Variants in NR2E3 observed in about 807,000 individuals in gnomAD.
NR2E3 encodes nuclear receptor subfamily 2 group E member 3, also known as photoreceptor-specific nuclear receptor.
Under a neutral mutation model 37.6 loss-of-function variants are expected in NR2E3, and 38 were observed. That is an observed-to-expected ratio of 1.01 (90% CI 0.78 to 1.33). NR2E3 has a LOEUF of 1.33. Among genes scored for constraint, NR2E3 ranks in the 40% most tolerant of loss-of-function variants. NR2E3 has a pLI of 0.00. For synonymous variants in NR2E3, 235 were observed against 225.1 expected (o/e 1.04, Z -0.39); for missense variants, 562 against 558.7 (o/e 1.01, Z -0.06).
intron 7 of NR2E3, among the ~76,000 whole-genome samples, chr15:71,815,529 T>C (rs892021083): frequency 7.9e-5 from 12 of 152,362 alleles, no homozygotes; most frequent in Admixed American, 3.3e-4. Context: ...CTCCCAGAGA[T>C]GTCCTGGCAT....
In NR2E3 at chr15:71,817,577, C is replaced by G; in HGVS notation, c.1126C>G (p.Pro376Ala). The change falls in exon 8 of 8, where the codon CCG becomes GCG. Residue 376 changes from proline to alanine, a missense_variant. Coordinates refer to ENST00000617575, the MANE Select transcript of NR2E3 (RefSeq NM_014249.4). ...GTTTGGGAAATTGCTCCTGCTCCTC[C>G]CGTCTTTGAGGTTTATCACTGCGGA... The part of the protein sequence containing the change: ...VRFGKLLLLL[P>A]SLRFITAERI... 6.3e-7 allele frequency: 1 copy of G among 1,599,716 alleles called. No homozygotes were observed. Among genetic ancestry groups the G allele is most frequent in the Non-Finnish European group, 8.6e-7 (1 of 1,168,364 alleles).
chr15:71,812,254 TCCTC>T, intron 4 of NR2E3, 78 bp downstream of exon 4: 1 of 1,609,306 alleles, frequency 6.2e-7, no homozygotes, highest in South Asian at 1.1e-5. Flanking sequence ...CTTGCCTTGA[TCCTC>T]CCTCCCCCGG....
rs750740765 is a variant in NR2E3 at position 71,812,485 on chromosome 15, TTC to T, written c.724_725del (p.Ser242GlnfsTer17). ...AVKWAKNLPV[F>X]SSLPFRDQVI... ...CAAGTGGGCCAAGAACCTGCCTGTG[TTC>T]TCCAGCCTGCCCTTCCGGGATCAGG... is the stretch of plus-strand genomic sequence containing the variant. On this transcript the variant is annotated frameshift_variant, in exon 5 of 8. Coordinates refer to ENST00000617575, the MANE Select transcript of NR2E3 (RefSeq NM_014249.4). LOFTEE classifies it high-confidence loss of function. 11 of 1,612,688 alleles carry T rather than the reference TTC, an allele frequency of 6.8e-6. No individual in the cohort carries two copies. The highest frequency in any genetic ancestry group is 8.5e-6 in the Non-Finnish European group (10 of 1,179,036).
rs2054207798 is a variant in NR2E3 at position 71,814,009 on chromosome 15, CAG to C, written c.996_997del. ...TAAGCTCACTGGTGCTGCTTCTCCC[CAG>C]AGACGCGGGGCCTGAAGGATCCTGA... is the stretch of plus-strand genomic sequence containing the variant. On this transcript the variant is annotated splice_acceptor_variant, in intron 6 of 7. Coordinates refer to ENST00000617575, the MANE Select transcript of NR2E3 (RefSeq NM_014249.4). LOFTEE classifies it high-confidence loss of function. 2.5e-6 allele frequency: 4 copies of C among 1,610,384 alleles called. No individual in the cohort carries two copies. Among genetic ancestry groups the C allele is most frequent in the Non-Finnish European group, 3.4e-6 (4 of 1,178,806 alleles).
At position 71,813,684 on chromosome 15, in the gene NR2E3, A is replaced by T; in HGVS notation, c.994+49A>T. The stretch of plus-strand genomic sequence containing the variant: ...TTGAGTGGGAATTCTGGTGACTTCC[A>T]TCTGCCTCTCACTCTCCCTCCACTA... On this transcript the variant is annotated intron_variant, in intron 6 of 7. Coordinates refer to ENST00000617575, the MANE Select transcript of NR2E3 (RefSeq NM_014249.4). The surrounding 1 kb of genome is among the most constrained non-coding windows in gnomAD (Gnocchi z 4.7). The T allele has an allele frequency of 6.2e-7, 1 of 1,607,962 alleles. No homozygotes were observed. The highest frequency in any genetic ancestry group is 8.5e-7 in the Non-Finnish European group (1 of 1,179,424).
At position 71,817,094 on chromosome 15, in the gene NR2E3, C is replaced by CTTTT. The variant is rs986159548; in HGVS notation, c.1101-455_1101-452dup. ...AACTCCTCTGGTTAATGCGGCTTTT[C>CTTTT]TTTTTTCTTTTTTTTTTTTTTTGAG... On this transcript the variant is annotated intron_variant, in intron 7 of 7. Coordinates refer to ENST00000617575, the MANE Select transcript of NR2E3 (RefSeq NM_014249.4). 5.8e-5 allele frequency among the ~76,000 whole-genome samples: 8 copies of CTTTT among 136,918 alleles called. 1 individual carries two copies. Among genetic ancestry groups the CTTTT allele is most frequent in the African/African-American group, 1.4e-4 (5 of 35,092 alleles). The allele number at this position is 136,918 out of a possible 152,430, so 89.8% of individuals were successfully genotyped here. A position where few individuals can be genotyped will look rare whatever the true frequency, so the allele number is the denominator to read the frequency against.
intron 5 of NR2E3, among the ~76,000 whole-genome samples, chr15:71,812,904 A>G (rs774219960): frequency 2.0e-5 from 3 of 152,168 alleles, no homozygotes; most frequent in Non-Finnish European, 4.4e-5. Flanking sequence ...ACAAGTGCCT[A>G]CGACTTCAGG....
At position 71,811,652 on chromosome 15, in the gene NR2E3, T is replaced by C. The variant is rs772324749; in HGVS notation, c.245+43T>C. 14 of 1,589,306 alleles carry C rather than the reference T, an allele frequency of 8.8e-6. No individual in the cohort carries two copies. The highest frequency in any genetic ancestry group is 1.1e-5 in the Non-Finnish European group (13 of 1,167,886). On this transcript the variant is annotated intron_variant, in intron 2 of 7. Coordinates refer to ENST00000617575, the MANE Select transcript of NR2E3 (RefSeq NM_014249.4). The surrounding 1 kb of genome is among the most constrained non-coding windows in gnomAD (Gnocchi z 5.6). ...TGCTGGGCGTCTGCCCCTGAGGGGT[T>C]CTGGAGGGGTGAGGGGGTGCTCAGG...
chr15:71,812,455 G>A lies in NR2E3; in HGVS notation c.691G>A (p.Ala231Thr). 6.2e-7 allele frequency: 1 copy of A among 1,613,874 alleles called. No individual in the cohort carries two copies. The highest frequency in any genetic ancestry group is 8.5e-7 in the Non-Finnish European group (1 of 1,179,820). ...GACCTCGGCTCGCCTACTCTTCATG[G>A]CCGTCAAGTGGGCCAAGAACCTGCC... ...HETSARLLFM[A>T]VKWAKNLPVF... Residue 231 changes from alanine to threonine, a missense_variant, in exon 5 of 8, where the codon GCC (alanine) becomes ACC (threonine). By Grantham distance (58) the Ala-to-Thr change is moderately conservative. Coordinates refer to ENST00000617575, the MANE Select transcript of NR2E3 (RefSeq NM_014249.4).
At position 71,812,007 on chromosome 15, in the gene NR2E3, C is replaced by A. The variant is rs886051452; in HGVS notation, c.402C>A (p.Ser134Arg). The change falls in exon 4 of 8, where the codon AGC (serine) becomes AGA (arginine). Residue 134 changes from serine (S) to arginine (R), a missense_variant. Ser to Arg is a moderately radical substitution (Grantham distance 110). Coordinates refer to ENST00000617575, the MANE Select transcript of NR2E3 (RefSeq NM_014249.4). Reference sequence around the variant, plus strand: ...GCACAGCCCAGGTCCACCTGGACAGCATGGAGTCCAACACTGAGTCCCGGC... The same window carrying A: ...GCACAGCCCAGGTCCACCTGGACAGAATGGAGTCCAACACTGAGTCCCGGC... Reference protein sequence around the residue: ...PRSTAQVHLDSMESNTESRPE... With the variant: ...PRSTAQVHLDRMESNTESRPE... 3.9e-6 allele frequency: 6 copies of A among 1,555,190 alleles called. No homozygotes were observed. The highest frequency in any genetic ancestry group is 1.4e-5 in the African/African-American group (1 of 73,316).
At chr15:71,815,924 T>C (rs1288975668) in intron 7 of NR2E3, among the ~76,000 whole-genome samples, 1 of 152,192 alleles carries the variant, frequency 6.6e-6, no homozygotes, top group East Asian at 1.9e-4. Flanking sequence ...TATTTCTTCT[T>C]CCTCCCACTC....
At position 71,811,308 on chromosome 15, in the gene NR2E3, G is replaced by A. The variant is rs563231008; in HGVS notation, c.119-175G>A. Among the ~76,000 whole-genome samples the A allele has an allele frequency of 3.9e-4, 60 of 152,262 alleles. 1 individual carries two copies. The highest frequency in any genetic ancestry group is 1.3e-3 in the African/African-American group (53 of 41,552). On this transcript the variant is annotated intron_variant, in intron 1 of 7. Transcript: ENST00000617575. This position sits in a 1 kb window ranked among gnomAD's most constrained non-coding sequence, Gnocchi z 5.6. ...AAGGAATGGGGGTGGGGGCTGGGGTGTGGATGCACAGTGAGGGAGACACTT... is the reference window on the plus strand; with the variant it reads ...AAGGAATGGGGGTGGGGGCTGGGGTATGGATGCACAGTGAGGGAGACACTT...
chr15:71,810,711 T>A lies in NR2E3; in HGVS notation c.-33T>A. ...TGGGCCAGGCTCAGCAACCCAGGCCTCCCGCAGGCAGGCAGAGGCTGCCCT... is the reference window on the plus strand; with the variant it reads ...TGGGCCAGGCTCAGCAACCCAGGCCACCCGCAGGCAGGCAGAGGCTGCCCT... On this transcript the variant is annotated 5_prime_UTR_variant, in exon 1 of 8. Transcript: ENST00000617575. 1 of 1,552,170 alleles carries A rather than the reference T, an allele frequency of 6.4e-7. No homozygotes were observed. The highest frequency in any genetic ancestry group is 8.7e-7 in the Non-Finnish European group (1 of 1,147,702).
intron 7 of NR2E3, 27 bp downstream of exon 7, chr15:71,814,144 C>T (rs2054209821): frequency 6.2e-6 from 10 of 1,600,442 alleles, no homozygotes; most frequent in Non-Finnish European, 8.5e-6. Flanking sequence ...CCCACCCACT[C>T]ATCTGTCCCT....
chr15:71,817,187 C>A (rs187577895), intron 7 of NR2E3, among the ~76,000 whole-genome samples: 2 of 151,600 alleles, frequency 1.3e-5, no homozygotes, highest in Admixed American at 1.3e-4. Flanking sequence ...TAAGCTCCGC[C>A]TCCCGGGTTC....
At chr15:71,817,406 G>T in intron 7 of NR2E3, 146 bp from the exon 8 acceptor site, 1 of 1,123,576 alleles carries the variant, frequency 8.9e-7, no homozygotes. Flanking sequence ...CCTGAATGTG[G>T]CTTTTCCTCG....
At position 71,811,965 on chromosome 15, in the gene NR2E3, C is replaced by T. The variant is rs759418091; in HGVS notation, c.360C>T (p.Asn120=). Reference sequence around the variant, plus strand: ...TTCCTGCCTCCCCAGCCGTGCAGAACGAGCGCCAGCCGCGAAGCACAGCCC... The same window carrying T: ...TTCCTGCCTCCCCAGCCGTGCAGAATGAGCGCCAGCCGCGAAGCACAGCCC... ...QAGMNQDAVQ[N]ERQPRSTAQV... The change falls in exon 4 of 8, where the codon AAC becomes AAT. Residue 120 remains asparagine (N), a synonymous_variant. Transcript: ENST00000617575. The surrounding 1 kb of genome is among the most constrained non-coding windows in gnomAD (Gnocchi z 5.6). 3.0e-5 allele frequency: 47 copies of T among 1,550,692 alleles called. No homozygotes were observed. Among genetic ancestry groups the T allele is most frequent in the Non-Finnish European group, 3.7e-5 (43 of 1,147,218 alleles).
At chr15:71,814,296 T>C (rs1393564115) in intron 7 of NR2E3, 179 bp downstream of exon 7, 11 of 1,409,472 alleles carry the variant, frequency 7.8e-6, no homozygotes, top group East Asian at 2.6e-5. Flanking sequence ...GGGACCAAGA[T>C]GTACATAAGA....
chr15:71,813,749 G>T lies in NR2E3; in HGVS notation c.994+114G>T. On this transcript the variant is annotated intron_variant, in intron 6 of 7. Coordinates refer to ENST00000617575, the MANE Select transcript of NR2E3 (RefSeq NM_014249.4). This position sits in a 1 kb window ranked among gnomAD's most constrained non-coding sequence, Gnocchi z 4.7. ...GATGTGTGTAGGCCTCTATCCTGGG[G>T]GGTGGGAGGAGAGTGGTGAGGCTGG... 6.5e-7 allele frequency: 1 copy of T among 1,543,032 alleles called. No individual in the cohort carries two copies. Among genetic ancestry groups the T allele is most frequent in the Non-Finnish European group, 8.8e-7 (1 of 1,132,794 alleles).
Sources: gnomAD v4.1 joint callset for allele counts (sites outside exome capture counted in the v4.1 genomes callset) on GRCh38, gnomAD v4.1.1 for gene constraint, Gnocchi (gnomAD v3.1) non-coding constraint, MANE v1.5 for transcripts, NCBI Gene and HGNC (gene_info 2026-07-23, HGNC 2026-07-21) for gene names.